Variants in GALNT17 observed in about 807,000 individuals in gnomAD.
GALNT17 encodes the protein UDP-GalNAc:polypeptide N-acetylgalactosaminyltransferase-like 3.
A neutral mutation model predicts 63.7 loss-of-function variants in GALNT17; 29 were observed. That is an observed-to-expected ratio of 0.46 (90% CI 0.34 to 0.62). GALNT17 has a LOEUF of 0.62. Among genes scored for constraint, GALNT17 ranks in the 20% least tolerant of loss-of-function variants. GALNT17 has a pLI of 0.01. For synonymous variants in GALNT17, 305 were observed against 318.3 expected (o/e 0.96, Z 0.45); for missense variants, 603 against 799.6 (o/e 0.75, Z 2.97).
At chr7:71,219,726 C>T (rs780777968) in intron 1 of GALNT17, among the ~76,000 whole-genome samples, 28 of 152,262 alleles carry the variant, frequency 1.8e-4, no homozygotes, top group Non-Finnish European at 3.1e-4. Flanking sequence ...CTGTCTACTC[C>T]TTGCTCCAAG....
intron 6 of GALNT17, among the ~76,000 whole-genome samples, chr7:71,590,584 TC>T (rs1789782988): frequency 6.6e-6 from 1 of 152,182 alleles, no homozygotes; most frequent in Non-Finnish European, 1.5e-5. Context: ...GGAGATGACA[TC>T]CTGATGTGCT....
intron 2 of GALNT17, among the ~76,000 whole-genome samples, chr7:71,379,850 G>A (rs1271842555): frequency 6.6e-6 from 1 of 152,098 alleles, no homozygotes; most frequent in Non-Finnish European, 1.5e-5. Context: ...TGGAGCTGTA[G>A]ACTTGCATGA....
At chr7:71,181,254 A>T (rs1041013763) in intron 1 of GALNT17, among the ~76,000 whole-genome samples, 2 of 118,080 alleles carry the variant, frequency 1.7e-5, no homozygotes, top group South Asian at 4.8e-4. Flanking sequence ...GACTCGTCTT[A>T]AAAAAAAAAA....
intron 2 of GALNT17, among the ~76,000 whole-genome samples, chr7:71,370,426 G>A (rs1399192924): frequency 6.6e-6 from 1 of 151,468 alleles, no homozygotes; most frequent in Non-Finnish European, 1.5e-5. Context: ...AGCCTCCTGT[G>A]TAGCTGAGAC....
chr7:71,377,362 C>G (rs1291844615), intron 2 of GALNT17, among the ~76,000 whole-genome samples: 3 of 29,524 alleles, frequency 1.0e-4, no homozygotes, highest in Non-Finnish European at 2.0e-4. Flanking sequence ...GGAGAATATT[C>G]CAAAATAAAT....
chr7:71,696,734 C>G (rs1358094920), intron 9 of GALNT17, among the ~76,000 whole-genome samples: 6 of 151,998 alleles, frequency 3.9e-5, no homozygotes, highest in Non-Finnish European at 8.8e-5. Flanking sequence ...GGTTTTTTCC[C>G]AATGCATTAG....
chr7:71,197,532 C>T (rs560842929), intron 1 of GALNT17, among the ~76,000 whole-genome samples: 1 of 151,882 alleles, frequency 6.6e-6, no homozygotes, highest in South Asian at 2.1e-4. Context: ...AGTAGTAGGT[C>T]TTATTCATTT....
intron 5 of GALNT17, among the ~76,000 whole-genome samples, chr7:71,569,671 G>A (rs773909124): frequency 4.6e-5 from 7 of 152,124 alleles, no homozygotes; most frequent in Middle Eastern, 3.2e-3. Context: ...CACTAGTCTT[G>A]AATGGCTGTG....
At chr7:71,302,433 G>T (rs1328000689) in intron 1 of GALNT17, among the ~76,000 whole-genome samples, 1 of 152,206 alleles carries the variant, frequency 6.6e-6, no homozygotes, top group Non-Finnish European at 1.5e-5. Flanking sequence ...GGCTTCAGCT[G>T]TGTCATATTT....
Position 71,516,475 on chromosome 7 carries a change from C to T in GALNT17, c.963-54810C>T, listed in dbSNP as rs531216783. The stretch of plus-strand genomic sequence containing the variant: ...AGAACTGGAGTGGAGGAGTTGATTG[C>T]AGTACACCTGGACATCTAAGGGATA... On this transcript the variant is annotated intron_variant, in intron 5 of 10. Coordinates refer to ENST00000333538, the MANE Select transcript of GALNT17 (RefSeq NM_022479.3). 1.6e-4 allele frequency among the ~76,000 whole-genome samples: 24 copies of T among 152,166 alleles called. No individual in the cohort carries two copies. In the East Asian group the frequency reaches 3.9e-3, roughly 25 times the overall value.
intron 1 of GALNT17, among the ~76,000 whole-genome samples, chr7:71,148,860 T>A (rs7776886): frequency 0.038 from 3,936 of 102,828 alleles, 136 homozygotes; most frequent in African/African-American, 0.061. Flanking sequence ...TATGGTATTT[T>A]TATATATATA....
At chr7:71,667,260 T>A (rs1429982264) in intron 7 of GALNT17, among the ~76,000 whole-genome samples, 4 of 152,228 alleles carry the variant, frequency 2.6e-5, no homozygotes, top group Non-Finnish European at 4.4e-5. Flanking sequence ...AAAGTGAATT[T>A]ATTCAATGTT....
rs568535157 is a variant in GALNT17, at chr7:71,365,797, A to G, written c.423-22438A>G. ...TGGTTTCATGGAAGACAATTTTTCT[A>G]TGAACTGGGGGTGAGGGGTGGGTTG... is the stretch of plus-strand genomic sequence containing the variant. On this transcript the variant is annotated intron_variant, in intron 2 of 10. Coordinates refer to ENST00000333538, the MANE Select transcript of GALNT17 (RefSeq NM_022479.3). Among the ~76,000 whole-genome samples the G allele has an allele frequency of 3.9e-5, 6 of 152,064 alleles. No homozygotes were observed. The South Asian group carries it at 1.0e-3, about 26-fold the overall frequency.
At chr7:71,325,057 G>A (rs1791681881) in intron 1 of GALNT17, among the ~76,000 whole-genome samples, 1 of 152,180 alleles carries the variant, frequency 6.6e-6, no homozygotes, top group Non-Finnish European at 1.5e-5. Context: ...ATAGCTGGAA[G>A]GATAAACTGT....
At chr7:71,566,707 G>A (rs1287587986) in intron 5 of GALNT17, among the ~76,000 whole-genome samples, 2 of 151,394 alleles carry the variant, frequency 1.3e-5, no homozygotes, top group Non-Finnish European at 2.9e-5. Context: ...TAAGTAGGAG[G>A]GGTTAGCGTA....
intron 1 of GALNT17, among the ~76,000 whole-genome samples, chr7:71,230,222 A>G (rs1289520326): frequency 1.3e-5 from 2 of 151,542 alleles, no homozygotes; most frequent in Admixed American, 1.3e-4. Flanking sequence ...GTGGAGTACT[A>G]GTATATCATT....
chr7:71,656,686 T>C (rs1417047898), intron 6 of GALNT17, among the ~76,000 whole-genome samples: 1 of 151,794 alleles, frequency 6.6e-6, no homozygotes, highest in Non-Finnish European at 1.5e-5. Flanking sequence ...GTGGTCATAG[T>C]GGATGTGAAA....
intron 6 of GALNT17, among the ~76,000 whole-genome samples, chr7:71,617,767 C>G (rs150720176): frequency 2.6e-5 from 4 of 152,116 alleles, no homozygotes; most frequent in African/African-American, 2.4e-5. Flanking sequence ...CTCAGCCTCC[C>G]GAATAGGTGG....
chr7:71,482,786 G>C (rs1046629337), intron 5 of GALNT17, among the ~76,000 whole-genome samples: 4 of 152,216 alleles, frequency 2.6e-5, no homozygotes, highest in African/African-American at 9.6e-5. Context: ...GGAAGGGTGG[G>C]GAGGTGTCAG....
Sources: allele counts gnomAD v4.1 joint callset (sites outside exome capture counted in the v4.1 genomes callset), GRCh38; gene constraint gnomAD v4.1.1; transcripts MANE v1.5; gene names NCBI Gene and HGNC (gene_info 2026-07-23, HGNC 2026-07-21).